Variants in NEGR1 observed in about 807,000 individuals in gnomAD.
NEGR1 encodes the protein IgLON family member 4.
NEGR1 carries 10 observed loss-of-function variants against 40.9 expected under a neutral mutation model. The ratio of observed to expected loss-of-function variants is 0.24; its 90% CI spans 0.15 to 0.42. The LOEUF (loss-of-function observed/expected upper bound fraction) is 0.42. Ranked by LOEUF, NEGR1 falls within the 10% of genes least tolerant of loss-of-function variation. NEGR1 has a pLI of 1.00. For missense variants in NEGR1, 352 were observed against 438.9 expected (o/e 0.80, Z 1.77); for synonymous variants, 185 against 166.8 (o/e 1.11, Z -0.84).
chr1:72,036,041 C>T lies in NEGR1; in HGVS notation c.177-100730G>A, dbSNP rs894610213. Among the ~76,000 whole-genome samples, 6 of 152,100 alleles carry T rather than the reference C, an allele frequency of 3.9e-5. No individual in the cohort carries two copies. In the East Asian group the frequency reaches 5.8e-4, roughly 15 times the overall value. Reference sequence around the variant, plus strand: ...GCATTATAGTTGAAATGTGTACAGGCACGTGATTCAAAATTTGTTTACTCA... The same window carrying T: ...GCATTATAGTTGAAATGTGTACAGGTACGTGATTCAAAATTTGTTTACTCA... On this transcript the variant is annotated intron_variant, in intron 1 of 6. Coordinates refer to ENST00000357731, the MANE Select transcript of NEGR1 (RefSeq NM_173808.3).
intron 1 of NEGR1, among the ~76,000 whole-genome samples, chr1:72,105,397 A>T (rs544085346): frequency 6.6e-6 from 1 of 152,168 alleles, no homozygotes; most frequent in East Asian, 1.9e-4. Context: ...ATTATTTATT[A>T]AAAATGTCTT....
intron 6 of NEGR1, among the ~76,000 whole-genome samples, chr1:71,512,591 T>C (rs1647082762): frequency 1.3e-5 from 2 of 151,908 alleles, no homozygotes; most frequent in Non-Finnish European, 2.9e-5. Context: ...TCGATTTTTT[T>C]TTTTTTTTTG....
chr1:71,920,901 G>C (rs2101882795), intron 2 of NEGR1, among the ~76,000 whole-genome samples: 1 of 152,244 alleles, frequency 6.6e-6, no homozygotes, highest in Non-Finnish European at 1.5e-5. Context: ...AGTCTGTGTG[G>C]TAATGAAAGA....
At chr1:71,916,137 T>G (rs1322411259) in intron 2 of NEGR1, among the ~76,000 whole-genome samples, 3 of 152,190 alleles carry the variant, frequency 2.0e-5, no homozygotes, top group Non-Finnish European at 4.4e-5. Flanking sequence ...GGGGTTTCCC[T>G]GCCATTCTGA....
intron 1 of NEGR1, among the ~76,000 whole-genome samples, chr1:72,032,939 G>C (rs1646871892): frequency 6.6e-6 from 1 of 151,966 alleles, no homozygotes; most frequent in African/African-American, 2.4e-5. Context: ...AAAGTACTTG[G>C]AACAGAGCCT....
chr1:72,067,207 G>A (rs1223918515), intron 1 of NEGR1, among the ~76,000 whole-genome samples: 1 of 152,078 alleles, frequency 6.6e-6, no homozygotes, highest in African/African-American at 2.4e-5. Flanking sequence ...TTCCAACTCA[G>A]CTCATGAATC....
chr1:71,952,024 C>T (rs567643167), intron 1 of NEGR1, among the ~76,000 whole-genome samples: 39 of 151,976 alleles, frequency 2.6e-4, no homozygotes, highest in African/African-American at 9.4e-4. Flanking sequence ...ATCTCTTTCT[C>T]TCTCCTTGGG....
At chr1:72,132,107 A>C (rs1190645892) in intron 1 of NEGR1, among the ~76,000 whole-genome samples, 2 of 152,148 alleles carry the variant, frequency 1.3e-5, no homozygotes. Context: ...TCAAAACAAT[A>C]AAATAAAATA....
chr1:72,106,178 C>A (rs912265822), intron 1 of NEGR1, among the ~76,000 whole-genome samples: 1 of 151,986 alleles, frequency 6.6e-6, no homozygotes, highest in African/African-American at 2.4e-5. Flanking sequence ...AACACAGAGT[C>A]AAAAAGACTC....
chr1:71,719,672 A>G (rs1654434294), intron 3 of NEGR1, among the ~76,000 whole-genome samples: 1 of 152,052 alleles, frequency 6.6e-6, no homozygotes. Context: ...ACATGTGCAC[A>G]ACATGCAGGT....
chr1:72,133,429 A>C (rs898777840), intron 1 of NEGR1, among the ~76,000 whole-genome samples: 1 of 152,050 alleles, frequency 6.6e-6, no homozygotes, highest in Non-Finnish European at 1.5e-5. Context: ...AAGGGAAAAA[A>C]TAGGAAAAAC....
At chr1:72,096,122 G>C (rs1648687307) in intron 1 of NEGR1, among the ~76,000 whole-genome samples, 1 of 151,932 alleles carries the variant, frequency 6.6e-6, no homozygotes, top group Non-Finnish European at 1.5e-5. Context: ...AAAATCTTTA[G>C]ATGATCAATT....
chr1:72,154,949 T>C (rs1367774735), intron 1 of NEGR1, among the ~76,000 whole-genome samples: 1 of 151,982 alleles, frequency 6.6e-6, no homozygotes, highest in East Asian at 1.9e-4. Flanking sequence ...TAAATTACAA[T>C]ATATACAATG....
intron 1 of NEGR1, among the ~76,000 whole-genome samples, chr1:72,231,804 C>T (rs1335365742): frequency 2.0e-5 from 3 of 151,812 alleles, no homozygotes; most frequent in Non-Finnish European, 4.4e-5. Context: ...GGAAAAATGG[C>T]AAATAGAAGA....
chr1:72,248,082 C>T (rs1570172582), intron 1 of NEGR1, among the ~76,000 whole-genome samples: 1 of 152,064 alleles, frequency 6.6e-6, no homozygotes, highest in African/African-American at 2.4e-5. Flanking sequence ...AAGACAGCAC[C>T]AAGCCATGAG....
At chr1:71,767,894 A>G (rs186418525) in intron 3 of NEGR1, among the ~76,000 whole-genome samples, 132 of 152,334 alleles carry the variant, frequency 8.7e-4, no homozygotes, top group Middle Eastern at 3.4e-3. Context: ...TATAAAGCTC[A>G]GGCCACTGCT....
intron 2 of NEGR1, among the ~76,000 whole-genome samples, chr1:71,917,457 G>A (rs1045547813): frequency 2.0e-5 from 3 of 152,110 alleles, no homozygotes; most frequent in Non-Finnish European, 4.4e-5. Context: ...CTTTGATCTT[G>A]ATAAGGCCAT....
chr1:71,969,584 T>A (rs1274235230), intron 1 of NEGR1, among the ~76,000 whole-genome samples: 1 of 152,230 alleles, frequency 6.6e-6, no homozygotes, highest in Non-Finnish European at 1.5e-5. Flanking sequence ...CTCCATATTT[T>A]CTCAGTGTGC....
At chr1:71,999,697 G>A (rs1317105154) in intron 1 of NEGR1, among the ~76,000 whole-genome samples, 4 of 96,986 alleles carry the variant, frequency 4.1e-5, no homozygotes, top group East Asian at 2.2e-4. Context: ...ATTTTTGTCC[G>A]GTCTCGGAGC....
Sources: gnomAD v4.1 joint callset for allele counts (sites outside exome capture counted in the v4.1 genomes callset) on GRCh38, gnomAD v4.1.1 for gene constraint, MANE v1.5 for transcripts, NCBI Gene and HGNC (gene_info 2026-07-23, HGNC 2026-07-21) for gene names.